The following MAML3 variants were observed in gnomAD, a reference collection of about 807,000 sequenced individuals.
MAML3 encodes the protein mastermind like transcriptional coactivator 3.
MAML3 carries 27 observed loss-of-function variants against 101.9 expected under a neutral mutation model. The observed-to-expected ratio is 0.27, with a 90% confidence interval of 0.20 to 0.37. The LOEUF is 0.37. Ranked by LOEUF, MAML3 falls within the 10% of genes least tolerant of loss-of-function variation. The pLI, the probability that MAML3 is intolerant of heterozygous loss-of-function variation, is 1.00. For missense variants in MAML3, 1,316 were observed against 1,444.9 expected, an observed-to-expected ratio of 0.91 and a Z score of 1.45; for synonymous variants, 501 against 555.9, an observed-to-expected ratio of 0.90 and a Z score of 1.39.
intron 2 of MAML3, among the ~76,000 whole-genome samples, chr4:139,774,020 T>C (rs1730045821): frequency 1.3e-5 from 2 of 152,212 alleles, no homozygotes; most frequent in South Asian, 4.1e-4. Flanking sequence ...AAGCAAGCCA[T>C]AGCAGGCCAT....
intron 1 of MAML3, among the ~76,000 whole-genome samples, chr4:140,150,422 C>A (rs1729138716): frequency 6.6e-6 from 1 of 152,164 alleles, no homozygotes; most frequent in Admixed American, 6.5e-5. Context: ...GAACACAACC[C>A]AAACACCGAA....
intron 2 of MAML3, among the ~76,000 whole-genome samples, chr4:139,884,134 T>G (rs1732277712): frequency 6.6e-6 from 1 of 152,138 alleles, no homozygotes; most frequent in Admixed American, 6.5e-5. Context: ...TCCACCCGAC[T>G]CGGCCTCCTA....
intron 1 of MAML3, among the ~76,000 whole-genome samples, chr4:139,909,328 T>G (rs898461951): frequency 6.6e-6 from 1 of 152,200 alleles, no homozygotes; most frequent in African/African-American, 2.4e-5. Flanking sequence ...TCTAACTGCA[T>G]GAATATTTAA....
At chr4:140,093,416 G>GTTTTTT (rs561107578) in intron 1 of MAML3, among the ~76,000 whole-genome samples, 16 of 121,476 alleles carry the variant, frequency 1.3e-4, no homozygotes, top group Non-Finnish European at 2.1e-4. Context: ...ATGTTTGTTT[G>GTTTTTT]TTTTTTTTTT....
chr4:140,091,153 C>T (rs1360874924), intron 1 of MAML3, among the ~76,000 whole-genome samples: 1 of 152,170 alleles, frequency 6.6e-6, no homozygotes, highest in Non-Finnish European at 1.5e-5. Flanking sequence ...CCATCTCTGC[C>T]TGGTAATTTC....
At position 139,999,521 on chromosome 4, in the gene MAML3, T is replaced by C. The variant is rs1578636531; in HGVS notation, c.469-108554A>G. Among the ~76,000 whole-genome samples the C allele has an allele frequency of 3.9e-5, 6 of 152,238 alleles. No homozygotes were observed. The South Asian group carries it at 1.2e-3, about 31-fold the overall frequency. ...TTCAATTTCCAAAGCACTGAAGTGA[T>C]TGTTTTTGTTCATTTTGTCCAGCCT... On this transcript the variant is annotated intron_variant, in intron 1 of 4. Transcript: ENST00000509479.
At chr4:140,009,802 A>G (rs930128432) in intron 1 of MAML3, among the ~76,000 whole-genome samples, 27 of 152,248 alleles carry the variant, frequency 1.8e-4, no homozygotes, top group African/African-American at 6.5e-4. Context: ...GCCTAGATTC[A>G]TAAGAATCTG....
chr4:139,978,521 G>A (rs1734385774), intron 1 of MAML3, among the ~76,000 whole-genome samples: 4 of 151,136 alleles, frequency 2.6e-5, no homozygotes, highest in South Asian at 4.2e-4. Flanking sequence ...AGAGGATGGC[G>A]TCTCTGCCCT....
intron 1 of MAML3, among the ~76,000 whole-genome samples, chr4:140,152,555 G>A (rs1729193420): frequency 6.6e-6 from 1 of 151,820 alleles, no homozygotes; most frequent in South Asian, 2.1e-4. Context: ...AGAAAGGGAA[G>A]GGGGGAAACT....
intron 2 of MAML3, among the ~76,000 whole-genome samples, chr4:139,749,894 C>A (rs867396722): frequency 2.8e-5 from 3 of 107,964 alleles, no homozygotes; most frequent in Admixed American, 9.0e-5. Context: ...AACCCCCCCC[C>A]ACCCTATTCT....
intron 1 of MAML3, among the ~76,000 whole-genome samples, chr4:140,086,665 T>A (rs1054115029): frequency 1.8e-4 from 28 of 151,900 alleles, no homozygotes; most frequent in African/African-American, 6.5e-4. Flanking sequence ...TAATATAGAG[T>A]AAACCTAAAT....
At chr4:140,130,136 T>C (rs1441915249) in intron 1 of MAML3, among the ~76,000 whole-genome samples, 1 of 152,200 alleles carries the variant, frequency 6.6e-6, no homozygotes, top group African/African-American at 2.4e-5. Context: ...AAACCTTCTG[T>C]TTCCAAACTT....
chr4:139,994,784 GGGGTGTGTGTGTGTGT>G (rs1734771773), intron 1 of MAML3, among the ~76,000 whole-genome samples: 1 of 38,768 alleles, frequency 2.6e-5, no homozygotes, highest in Non-Finnish European at 4.9e-5. Flanking sequence ...GTGCTGGTGG[GGGGTGTGTGTGTGTGT>G]GTGTGTGTAT....
intron 1 of MAML3, among the ~76,000 whole-genome samples, chr4:139,936,937 G>C (rs1261467326): frequency 2.0e-5 from 3 of 152,194 alleles, no homozygotes; most frequent in Non-Finnish European, 4.4e-5. Context: ...GAATTCAGGA[G>C]CCAGGAGTTT....
At chr4:139,837,917 C>T (rs1731286661) in intron 2 of MAML3, among the ~76,000 whole-genome samples, 1 of 151,320 alleles carries the variant, frequency 6.6e-6, no homozygotes, top group African/African-American at 2.4e-5. Context: ...GAGACTCGGT[C>T]TCAAAAAAAG....
chr4:139,921,730 T>G lies in MAML3; in HGVS notation c.469-30763A>C, dbSNP rs187631546. ...TTCCCTGGAGCCTGCCCTCTCCCAC[T>G]GCAGCACCTGGGTTGCCCGCTCACC... On this transcript the variant is annotated intron_variant, in intron 1 of 4. Transcript: ENST00000509479. Among the ~76,000 whole-genome samples the G allele has an allele frequency of 1.8e-4, 27 of 152,250 alleles. No individual in the cohort carries two copies. The East Asian group carries it at 4.5e-3, about 25-fold the overall frequency.
chr4:140,119,696 A>G (rs569391744), intron 1 of MAML3, among the ~76,000 whole-genome samples: 1 of 142,964 alleles, frequency 7.0e-6, no homozygotes, highest in African/African-American at 2.6e-5. Context: ...ATCATAGCTC[A>G]CTGCAGCCTC....
chr4:140,049,802 T>C (rs1727239010), intron 1 of MAML3, among the ~76,000 whole-genome samples: 1 of 152,188 alleles, frequency 6.6e-6, no homozygotes, highest in Non-Finnish European at 1.5e-5. Context: ...GGTTTTACTT[T>C]GTTTTCACAC....
In MAML3 at chr4:139,735,073, G is replaced by T. The variant is rs1412849206; in HGVS notation, c.2080-4406C>A. 6.6e-6 allele frequency among the ~76,000 whole-genome samples: 1 copy of T among 152,136 alleles called. No homozygotes were observed. Among genetic ancestry groups the T allele is most frequent in the East Asian group, 1.9e-4 (1 of 5,172 alleles). On this transcript the variant is annotated intron_variant, in intron 2 of 4. Transcript: ENST00000509479. The surrounding 1 kb of genome is among the most constrained non-coding windows in gnomAD (Gnocchi z 5.8). ...AATCAGGGCTCCCGCCCGCCCCTCC[G>T]CGGCCCCCGCCCCGCGCGTCTGGGC...
Sources: gnomAD v4.1 joint callset for allele counts (sites outside exome capture counted in the v4.1 genomes callset) on GRCh38, gnomAD v4.1.1 for gene constraint, Gnocchi (gnomAD v3.1) non-coding constraint, MANE v1.5 for transcripts, NCBI Gene and HGNC (gene_info 2026-07-23, HGNC 2026-07-21) for gene names.